Variants in LIPC observed in about 807,000 individuals in gnomAD.
LIPC encodes lipase C, hepatic type.
Under a neutral mutation model 50.7 loss-of-function variants are expected in LIPC, and 44 were observed. The observed-to-expected ratio is 0.87, with a 90% CI of 0.68 to 1.11. LIPC has a LOEUF of 1.11. Among genes scored for constraint, LIPC ranks in the 50% most tolerant of loss-of-function variants. The pLI is 0.00. For missense variants in LIPC, 697 were observed against 648.2 expected, an observed-to-expected ratio of 1.08 and a Z score of -0.82; for synonymous variants, 271 against 256.4, an observed-to-expected ratio of 1.06 and a Z score of -0.54.
intron 1 of LIPC, among the ~76,000 whole-genome samples, chr15:58,493,158 C>A (rs184965041): frequency 2.4e-4 from 36 of 152,278 alleles, no homozygotes; most frequent in Non-Finnish European, 1.3e-4. Context: ...AGAACCCATA[C>A]CCTCATCAGT....
chr15:58,476,170 G>C (rs936549045), intron 1 of LIPC, among the ~76,000 whole-genome samples: 2 of 152,336 alleles, frequency 1.3e-5, no homozygotes, highest in Non-Finnish European at 2.9e-5. Flanking sequence ...CTTCAGCTCG[G>C]AAGTAGTGGA....
chr15:58,537,521 G>GC (rs58322146), intron 1 of LIPC, among the ~76,000 whole-genome samples: 151,139 of 152,342 alleles, frequency 0.99, 74,978 homozygotes, highest in East Asian at 1. Flanking sequence ...GGAGCATGAA[G>GC]CCAGACTCTT....
chr15:58,538,178 T>G (rs1893199652), intron 1 of LIPC, among the ~76,000 whole-genome samples, 155 bp from the exon 2 acceptor site: 1 of 152,132 alleles, frequency 6.6e-6, no homozygotes, highest in African/African-American at 2.4e-5. Flanking sequence ...CTGGAAACAG[T>G]CTTTGGGGCT....
intron 2 of LIPC, among the ~76,000 whole-genome samples, chr15:58,540,024 C>A (rs1893268611): frequency 6.6e-6 from 1 of 152,220 alleles, no homozygotes; most frequent in Non-Finnish European, 1.5e-5. Flanking sequence ...CTGTGTTTCT[C>A]TGCTCTGCTA....
intron 1 of LIPC, chr15:58,436,896 C>A (rs1201693569): frequency 4.4e-6 from 2 of 454,212 alleles, no homozygotes; most frequent in Non-Finnish European, 8.8e-6. Flanking sequence ...GCCCAAATAC[C>A]TTTCAAAAAA....
chr15:58,512,692 G>T (rs1892364890), intron 1 of LIPC, among the ~76,000 whole-genome samples: 1 of 152,200 alleles, frequency 6.6e-6, no homozygotes, highest in African/African-American at 2.4e-5. Context: ...CAGGGTCAGA[G>T]CTTCAGCAGA....
chr15:58,551,511 C>G (rs1474745385), intron 6 of LIPC, among the ~76,000 whole-genome samples: 1 of 152,200 alleles, frequency 6.6e-6, no homozygotes, highest in African/African-American at 2.4e-5. Context: ...TCAGAGAACA[C>G]AGAAATAAAA....
intron 6 of LIPC, among the ~76,000 whole-genome samples, chr15:58,560,459 A>G (rs1894120906): frequency 6.6e-6 from 1 of 152,184 alleles, no homozygotes; most frequent in Admixed American, 6.5e-5. Flanking sequence ...GTAAAATGGC[A>G]ATGTGTTCTC....
At chr15:58,471,061 G>A (rs970557071) in intron 1 of LIPC, among the ~76,000 whole-genome samples, 2 of 151,758 alleles carry the variant, frequency 1.3e-5, no homozygotes, top group African/African-American at 4.8e-5. Context: ...GAAATTTATG[G>A]AGGCCTCAGG....
At chr15:58,534,778 A>G (rs1470412427) in intron 1 of LIPC, among the ~76,000 whole-genome samples, 1 of 152,190 alleles carries the variant, frequency 6.6e-6, no homozygotes, top group Non-Finnish European at 1.5e-5. Context: ...GCCTTATAAG[A>G]TCACATAGTG....
In LIPC at chr15:58,541,952, T is replaced by A. The variant is rs1422821307; in HGVS notation, c.441T>A (p.Leu147=). The change falls in exon 3 of 9, where the codon CTT becomes CTA. Residue 147 remains leucine (L), a synonymous_variant. Coordinates refer to ENST00000299022, the MANE Select transcript of LIPC (RefSeq NM_000236.3). ...TTGTGGGCAAGGAGGTCGCGGCTCT[T>A]CTCCGGTGGCTGGAGGTACCGACCT... ...TRLVGKEVAA[L]LRWLEESVQL... is the part of the protein sequence containing the mutation. 6.2e-7 allele frequency: 1 copy of A among 1,609,952 alleles called. No homozygotes were observed. Among genetic ancestry groups the A allele is most frequent in the South Asian group, 1.1e-5 (1 of 90,452 alleles).
At chr15:58,466,973 G>C (rs1042564444) in intron 1 of LIPC, among the ~76,000 whole-genome samples, 2 of 152,120 alleles carry the variant, frequency 1.3e-5, no homozygotes, top group African/African-American at 4.8e-5. Context: ...CCATTGTCTT[G>C]TCTGAATCCT....
intron 8 of LIPC, 82 bp from the exon 9 acceptor site, chr15:58,568,634 G>A (rs1894462897): frequency 8.4e-6 from 7 of 828,824 alleles, no homozygotes; most frequent in Admixed American, 5.7e-5. Context: ...CACAAATTGA[G>A]TGAAATTTGA....
intron 1 of LIPC, among the ~76,000 whole-genome samples, chr15:58,457,902 C>T (rs762940119): frequency 4.6e-5 from 7 of 152,178 alleles, no homozygotes; most frequent in Non-Finnish European, 7.3e-5. Context: ...GCTCTGCAGG[C>T]ATTTTCTACA....
rs1893621594 is a variant in LIPC at position 58,548,511 on chromosome 15, G to A, written c.990G>A (p.Gln330=). 2 of 1,602,726 alleles carry A rather than the reference G, an allele frequency of 1.2e-6. No homozygotes were observed. The highest frequency in any genetic ancestry group is 8.5e-7 in the Non-Finnish European group (1 of 1,174,254). ...ACACGCTGGGCTACCACGTCCGCCA[G>A]GAGCCGCGGAGCAAGAGCAAGAGGC... The part of the protein sequence containing the change: ...RCNTLGYHVR[Q]EPRSKSKRLF... Residue 330 remains glutamine (Q), a synonymous_variant, in exon 6 of 9, where the codon CAG becomes CAA. Transcript: ENST00000299022.
At chr15:58,551,721 G>C (rs773344563) in intron 6 of LIPC, among the ~76,000 whole-genome samples, 2 of 152,080 alleles carry the variant, frequency 1.3e-5, no homozygotes, top group Non-Finnish European at 2.9e-5. Context: ...GCCCAACCCC[G>C]GCCTACAGAG....
chr15:58,487,708 T>G (rs1216952215), intron 1 of LIPC, among the ~76,000 whole-genome samples: 2 of 152,174 alleles, frequency 1.3e-5, no homozygotes, highest in African/African-American at 4.8e-5. Context: ...ATTAGCAAGT[T>G]TAAAAGGATT....
At chr15:58,567,528 A>C (rs181934329) in intron 8 of LIPC, among the ~76,000 whole-genome samples, 299 of 151,820 alleles carry the variant, frequency 2.0e-3, no homozygotes, top group African/African-American at 7.0e-3. Flanking sequence ...CAAAGGCTAT[A>C]TATGAATACA....
At chr15:58,504,046 C>G (rs16940379) in intron 1 of LIPC, among the ~76,000 whole-genome samples, 38,259 of 152,084 alleles carry the variant, frequency 0.25, 4,898 homozygotes, top group Middle Eastern at 0.3. Context: ...GTGGAGAAAA[C>G]AAAAATTCTC....
Sources: allele counts gnomAD v4.1 joint callset (sites outside exome capture counted in the v4.1 genomes callset), GRCh38; gene constraint gnomAD v4.1.1; transcripts MANE v1.5; gene names NCBI Gene and HGNC (gene_info 2026-07-23, HGNC 2026-07-21).